Variants in DIS3L2 observed in about 807,000 individuals in gnomAD.
DIS3L2 encodes DIS3-like exonuclease 2.
Under a neutral mutation model 97.5 loss-of-function variants are expected in DIS3L2, and 34 were observed. The observed-to-expected ratio is 0.35, with a 90% confidence interval of 0.27 to 0.46. The LOEUF is 0.46. Among genes scored for constraint, DIS3L2 ranks in the 20% least tolerant of loss-of-function variants. The probability of loss-of-function intolerance (pLI) is 1.00; values close to 1 mark genes in which losing one functional copy is unlikely to be tolerated. For synonymous variants in DIS3L2, 435 were observed against 445.2 expected, an observed-to-expected ratio of 0.98 and a Z score of 0.29; for missense variants, 1,038 against 1,146.0, an observed-to-expected ratio of 0.91 and a Z score of 1.36.
chr2:232,287,480 C>T (rs1694477507), intron 13 of DIS3L2, among the ~76,000 whole-genome samples: 1 of 144,858 alleles, frequency 6.9e-6, no homozygotes. Context: ...CTCAGTGCCG[C>T]CTCAAATTTC....
chr2:232,226,725 A>G (rs1360730929), intron 10 of DIS3L2, among the ~76,000 whole-genome samples: 1 of 152,206 alleles, frequency 6.6e-6, no homozygotes, highest in East Asian at 1.9e-4. Flanking sequence ...TAACCCCAAC[A>G]TTTTGGGAGG....
At chr2:232,088,325 T>A (rs577225543) in intron 6 of DIS3L2, among the ~76,000 whole-genome samples, 2 of 141,554 alleles carry the variant, frequency 1.4e-5, no homozygotes, top group East Asian at 4.2e-4. Flanking sequence ...GGTGGGCGGA[T>A]CACGAGGTCA....
intron 13 of DIS3L2, among the ~76,000 whole-genome samples, chr2:232,274,871 C>T (rs1446907577): frequency 6.6e-6 from 1 of 152,210 alleles, no homozygotes; most frequent in Non-Finnish European, 1.5e-5. Flanking sequence ...CAGTCTTTTA[C>T]GTTGACTTGG....
chr2:232,336,035 T>C, intron 20 of DIS3L2, 161 bp downstream of exon 20: 2 of 1,524,888 alleles, frequency 1.3e-6, no homozygotes, highest in Non-Finnish European at 1.8e-6. Context: ...GACCCCCTCC[T>C]GTGGGTCCTG....
At chr2:232,050,142 G>C (rs1216466218) in intron 5 of DIS3L2, among the ~76,000 whole-genome samples, 1 of 152,166 alleles carries the variant, frequency 6.6e-6, no homozygotes, top group Non-Finnish European at 1.5e-5. Flanking sequence ...TTTCTACAGT[G>C]ATTTAAGACC....
At chr2:231,995,879 G>A (rs767835573) in intron 1 of DIS3L2, among the ~76,000 whole-genome samples, 1 of 152,172 alleles carries the variant, frequency 6.6e-6, no homozygotes, top group Non-Finnish European at 1.5e-5. Flanking sequence ...ATTCAATAAA[G>A]TATAGATTAT....
intron 1 of DIS3L2, among the ~76,000 whole-genome samples, chr2:232,001,557 CTTTTTTTT>C (rs57766848): frequency 0.097 from 6,028 of 62,354 alleles, 469 homozygotes; most frequent in East Asian, 0.52. Context: ...TGCCATTTGT[CTTTTTTTT>C]TTTTTTTTTT....
chr2:232,082,630 GA>G (rs1696438773), intron 5 of DIS3L2, among the ~76,000 whole-genome samples: 2 of 152,208 alleles, frequency 1.3e-5, no homozygotes, highest in East Asian at 3.8e-4. Context: ...CCCTGGCACT[GA>G]AAAGGTTGGA....
intron 5 of DIS3L2, among the ~76,000 whole-genome samples, chr2:232,032,430 A>T (rs1382592382): frequency 6.6e-6 from 1 of 151,900 alleles, no homozygotes; most frequent in African/African-American, 2.4e-5. Flanking sequence ...GATTGCAAAA[A>T]TTTTTTCCCA....
At chr2:232,065,394 T>C (rs1376673117) in intron 5 of DIS3L2, among the ~76,000 whole-genome samples, 1 of 152,050 alleles carries the variant, frequency 6.6e-6, no homozygotes, top group Non-Finnish European at 1.5e-5. Flanking sequence ...TTTTTATATA[T>C]AGTGTGAAGT....
intron 7 of DIS3L2, among the ~76,000 whole-genome samples, chr2:232,133,497 T>A (rs577815693): frequency 6.6e-6 from 1 of 152,094 alleles, no homozygotes; most frequent in Non-Finnish European, 1.5e-5. Flanking sequence ...CAGGATACAA[T>A]TGGAAACCAC....
At chr2:232,328,422 C>G (rs1695636193) in intron 14 of DIS3L2, 1 of 152,258 alleles carries the variant, frequency 6.6e-6, no homozygotes, top group African/African-American at 2.4e-5. Flanking sequence ...TCAGGACATC[C>G]TGGCAGAGCA....
At chr2:232,343,597 T>C in exon 14 of DIS3L2, 1 of 1,573,008 alleles carries the variant, frequency 6.4e-7, no homozygotes, top group South Asian at 1.2e-5. Context: ...GAATTCCTTG[T>C]GGCGGAGAAG....
At chr2:232,111,573 CT>C (rs1697535506) in intron 6 of DIS3L2, among the ~76,000 whole-genome samples, 1 of 152,184 alleles carries the variant, frequency 6.6e-6, no homozygotes, top group African/African-American at 2.4e-5. Context: ...CTGTTCAGTA[CT>C]GTAGCCACCA....
chr2:232,105,416 C>G (rs1033574049), intron 6 of DIS3L2, among the ~76,000 whole-genome samples: 2 of 152,156 alleles, frequency 1.3e-5, no homozygotes, highest in African/African-American at 4.8e-5. Flanking sequence ...TATAGAAAAT[C>G]TTGAAATAAT....
At chr2:231,962,402 C>T (rs886239048) in intron 1 of DIS3L2, among the ~76,000 whole-genome samples, 2 of 151,848 alleles carry the variant, frequency 1.3e-5, no homozygotes, top group Admixed American at 6.6e-5. Flanking sequence ...CCCATCTCTC[C>T]CCTCCTTCCA....
At chr2:231,993,605 C>A (rs773154405) in intron 1 of DIS3L2, among the ~76,000 whole-genome samples, 11 of 152,140 alleles carry the variant, frequency 7.2e-5, no homozygotes, top group Non-Finnish European at 1.6e-4. Context: ...GGTTTAATTA[C>A]CTGGAGATTT....
intron 5 of DIS3L2, among the ~76,000 whole-genome samples, chr2:232,077,978 T>G (rs1696257544): frequency 7.1e-6 from 1 of 139,904 alleles, no homozygotes; most frequent in South Asian, 2.3e-4. Context: ...TCTTTCTTTC[T>G]TTCTTTCTTT....
intron 8 of DIS3L2, among the ~76,000 whole-genome samples, chr2:232,154,000 C>T (rs879917810): frequency 7.0e-6 from 1 of 142,222 alleles, no homozygotes; most frequent in East Asian, 2.1e-4. Context: ...CGCATCGGCT[C>T]CTGAGGCTTC....
Sources: allele counts gnomAD v4.1 joint callset (sites outside exome capture counted in the v4.1 genomes callset), GRCh38; gene constraint gnomAD v4.1.1; transcripts MANE v1.5; gene names NCBI Gene and HGNC (gene_info 2026-07-23, HGNC 2026-07-21).